PPP1R42: variants seen among roughly 807,000 people sequenced by gnomAD.
The protein encoded by PPP1R42 is protein phosphatase 1 regulatory subunit 42.
A neutral mutation model predicts 31.0 loss-of-function variants in PPP1R42; 34 were observed. The observed-to-expected ratio is 1.10, with a 90% CI of 0.83 to 1.46. The LOEUF is 1.46. Among genes scored for constraint, PPP1R42 ranks in the 40% most tolerant of loss-of-function variants. The probability of loss-of-function intolerance (pLI) is 0.00; values close to 1 mark genes in which losing one functional copy is unlikely to be tolerated. For missense variants in PPP1R42, 268 were observed against 303.0 expected, an observed-to-expected ratio of 0.88 and a Z score of 0.86; for synonymous variants, 103 against 109.8, an observed-to-expected ratio of 0.94 and a Z score of 0.39.
chr8:67,006,401 G>A (rs544328986), intron 5 of PPP1R42, among the ~76,000 whole-genome samples: 30 of 152,250 alleles, frequency 2.0e-4, no homozygotes, highest in South Asian at 4.1e-4. Context: ...CTGCTTCACT[G>A]CAGTCTTGCA....
chr8:66,998,113 T>TA (rs1472749672), intron 5 of PPP1R42, among the ~76,000 whole-genome samples: 2 of 151,882 alleles, frequency 1.3e-5, no homozygotes, highest in African/African-American at 4.8e-5. Context: ...TCTATTAAAA[T>TA]AAAAAAATCA....
At chr8:67,020,211 G>T (rs981634039) in intron 1 of PPP1R42, among the ~76,000 whole-genome samples, 16 of 151,558 alleles carry the variant, frequency 1.1e-4, no homozygotes, top group African/African-American at 1.2e-4. Context: ...TGTTGTTGTT[G>T]TTTTTTTTGA....
intron 6 of PPP1R42, chr8:66,988,152 T>G: frequency 9.1e-7 from 1 of 1,101,490 alleles, no homozygotes; most frequent in Non-Finnish European, 1.1e-6. Context: ...CCATTTTTAT[T>G]GGTAATAGCA....
chr8:67,018,051 C>G (rs1251487278), intron 1 of PPP1R42, among the ~76,000 whole-genome samples: 1 of 151,980 alleles, frequency 6.6e-6, no homozygotes, highest in Non-Finnish European at 1.5e-5. Flanking sequence ...TACTCATTCA[C>G]TTTTACTTTT....
At chr8:66,981,889 G>T in intron 7 of PPP1R42, 160 bp downstream of exon 7, 1 of 650,568 alleles carries the variant, frequency 1.5e-6, no homozygotes. Flanking sequence ...AAGACAAATT[G>T]TACTTATGTA....
intron 5 of PPP1R42, among the ~76,000 whole-genome samples, chr8:66,996,675 G>A (rs188723235): frequency 5.3e-5 from 8 of 152,130 alleles, no homozygotes; most frequent in South Asian, 2.1e-4. Flanking sequence ...TGCTTTTTGC[G>A]TTCTTTTAAA....
intron 4 of PPP1R42, 81 bp downstream of exon 4, chr8:67,012,877 A>G: frequency 7.4e-7 from 1 of 1,357,744 alleles, no homozygotes; most frequent in Non-Finnish European, 9.9e-7. Context: ...CAATGTCCAA[A>G]TATACCTTCA....
At chr8:66,996,266 G>A (rs1815332088) in intron 5 of PPP1R42, among the ~76,000 whole-genome samples, 1 of 152,120 alleles carries the variant, frequency 6.6e-6, no homozygotes, top group Admixed American at 6.5e-5. Flanking sequence ...TTCCCAGGCT[G>A]GTCTCGAACT....
chr8:66,975,929 C>G (rs935120303), intron 7 of PPP1R42, among the ~76,000 whole-genome samples: 4 of 152,146 alleles, frequency 2.6e-5, no homozygotes, highest in African/African-American at 9.7e-5. Context: ...TAACTATGGT[C>G]ATCCTATAGT....
At chr8:67,004,089 C>CAA (rs773648040) in intron 5 of PPP1R42, among the ~76,000 whole-genome samples, 37 of 102,638 alleles carry the variant, frequency 3.6e-4, no homozygotes, top group African/African-American at 5.2e-4. Context: ...GACTCCGTCT[C>CAA]AAAAAAAAAA....
chr8:66,986,247 A>G, intron 6 of PPP1R42: 1 of 522,948 alleles, frequency 1.9e-6, no homozygotes, highest in Non-Finnish European at 3.6e-6. Flanking sequence ...GCCTGACATC[A>G]CTGATAAATT....
intron 5 of PPP1R42, among the ~76,000 whole-genome samples, chr8:67,006,739 CTTTTTTTTT>C (rs1183630078): frequency 9.9e-5 from 7 of 70,550 alleles, no homozygotes; most frequent in East Asian, 8.9e-4. Flanking sequence ...AGGGTAGAGG[CTTTTTTTTT>C]TTTTTTTTTT....
At chr8:66,983,985 G>T in intron 6 of PPP1R42, 1 of 752,246 alleles carries the variant, frequency 1.3e-6, no homozygotes, top group South Asian at 1.6e-5. Flanking sequence ...GGCTGACTGG[G>T]GAAGGGAGCA....
At chr8:66,999,334 C>A (rs1214199296) in intron 5 of PPP1R42, among the ~76,000 whole-genome samples, 1 of 152,190 alleles carries the variant, frequency 6.6e-6, no homozygotes, top group African/African-American at 2.4e-5. Context: ...GATTCTCCTG[C>A]CTCAGCCTCC....
intron 5 of PPP1R42, 100 bp downstream of exon 5, chr8:67,010,615 T>A (rs1815812613): frequency 1.3e-6 from 1 of 764,238 alleles, no homozygotes; most frequent in African/African-American, 1.8e-5. Flanking sequence ...AAATCCAGAG[T>A]AGTTTTTAAT....
intron 7 of PPP1R42, among the ~76,000 whole-genome samples, chr8:66,980,402 TA>T (rs1048095632): frequency 4.6e-5 from 7 of 152,018 alleles, no homozygotes; most frequent in Non-Finnish European, 8.8e-5. Flanking sequence ...AATTTTAAAG[TA>T]TTTTTTTTAT....
At chr8:66,981,356 C>G (rs1258168229) in intron 7 of PPP1R42, among the ~76,000 whole-genome samples, 2 of 150,148 alleles carry the variant, frequency 1.3e-5, no homozygotes, top group East Asian at 2.0e-4. Flanking sequence ...ATTTTCTATC[C>G]TGATGAAAAA....
chr8:66,968,362 G>T, intron 7 of PPP1R42: 1 of 471,452 alleles, frequency 2.1e-6, no homozygotes, highest in Non-Finnish European at 2.8e-6. Context: ...TACAGGCACA[G>T]CCCCCAGTGT....
intron 5 of PPP1R42, among the ~76,000 whole-genome samples, chr8:66,998,713 T>A (rs187913417): frequency 6.6e-6 from 1 of 152,346 alleles, no homozygotes; most frequent in African/African-American, 2.4e-5. Flanking sequence ...CAGGTTAAGT[T>A]CCTTTCTATT....
Sources: allele counts gnomAD v4.1 joint callset (sites outside exome capture counted in the v4.1 genomes callset), GRCh38; gene constraint gnomAD v4.1.1; transcripts MANE v1.5; gene names NCBI Gene and HGNC (gene_info 2026-07-23, HGNC 2026-07-21).